DNAH8: variants seen among roughly 807,000 people sequenced by gnomAD.
DNAH8 encodes the protein axonemal beta dynein heavy chain 8.
Under a neutral mutation model 562.1 loss-of-function variants are expected in DNAH8, and 382 were observed. The ratio of observed to expected loss-of-function variants is 0.68; its 90% CI spans 0.63 to 0.74. DNAH8 has a LOEUF of 0.74. DNAH8 is among the 30% of genes least tolerant of loss of function. The pLI is 0.00. For missense variants in DNAH8, 5,203 were observed against 5,620.4 expected, an observed-to-expected ratio of 0.93 and a Z score of 2.37; for synonymous variants, 1,881 against 1,919.4, an observed-to-expected ratio of 0.98 and a Z score of 0.52.
chr6:38,781,843 G>T (rs1235528407), intron 16 of DNAH8, among the ~76,000 whole-genome samples: 2 of 152,076 alleles, frequency 1.3e-5, no homozygotes, highest in Admixed American at 6.5e-5. Flanking sequence ...ATGTCCTTCA[G>T]ATTATTAGAT....
intron 58 of DNAH8, among the ~76,000 whole-genome samples, chr6:38,891,883 A>G (rs894641630): frequency 2.6e-5 from 4 of 152,098 alleles, no homozygotes; most frequent in Admixed American, 2.0e-4. Context: ...TCTTTAATCC[A>G]TTCTGCACAA....
chr6:38,828,102 G>A, intron 29 of DNAH8, 82 bp from the exon 30 acceptor site: 2 of 845,306 alleles, frequency 2.4e-6, no homozygotes, highest in Non-Finnish European at 3.8e-6. Flanking sequence ...TAAGACATAG[G>A]AATGTGTTTC....
intron 92 of DNAH8, among the ~76,000 whole-genome samples, chr6:39,028,030 C>T (rs572301429): frequency 2.0e-5 from 3 of 152,218 alleles, no homozygotes; most frequent in South Asian, 2.1e-4. Context: ...CACCTTATAA[C>T]GAGGGCCACG....
In DNAH8 at chr6:38,923,143, G is replaced by T; in HGVS notation, c.10748G>T (p.Arg3583Leu). 1 of 1,613,690 alleles carries T rather than the reference G, an allele frequency of 6.2e-7. No individual in the cohort carries two copies. The highest frequency in any genetic ancestry group is 8.5e-7 in the Non-Finnish European group (1 of 1,179,810). ...GATGGGCTGAGTGGAGAAAAAATCC[G>T]GTGGACCCAGCAAAGTAAAGAATTC... Reference protein sequence around the residue: ...LIDGLSGEKIRWTQQSKEFKA... With the variant: ...LIDGLSGEKILWTQQSKEFKA... Residue 3583 changes from arginine to leucine, a missense_variant, in exon 72 of 93, where the codon CGG (arginine) becomes CTG (leucine). By Grantham distance (102) the Arg-to-Leu change is moderately radical (BLOSUM62 -2). Around this residue, in one of 6 missense-constraint regions of DNAH8, gnomAD observed 1,399 missense variants for 1,518.4 expected, o/e 0.92. Transcript: ENST00000327475.
intron 48 of DNAH8, 139 bp from the exon 49 acceptor site, chr6:38,870,262 A>G: frequency 1.4e-6 from 1 of 710,644 alleles, no homozygotes. Context: ...TGGAGAAAGT[A>G]CTAGAGAATA....
intron 26 of DNAH8, among the ~76,000 whole-genome samples, chr6:38,816,912 T>A (rs1200613949): frequency 6.6e-6 from 1 of 152,192 alleles, no homozygotes; most frequent in East Asian, 1.9e-4. Flanking sequence ...ATTCATGTCC[T>A]TTGTCCATTT....
chr6:38,883,248 G>C, intron 54 of DNAH8, 74 bp from the exon 55 acceptor site: 2 of 1,465,556 alleles, frequency 1.4e-6, no homozygotes, highest in Non-Finnish European at 1.8e-6. Context: ...TAGAAGACTA[G>C]CCCATAGAAT....
rs576317428 is a variant in DNAH8 at position 38,984,397 on chromosome 6, A to G, written c.13053+90A>G. 6.4e-6 allele frequency: 5 copies of G among 781,788 alleles called. No homozygotes were observed. The East Asian group carries it at 1.3e-4, about 21-fold the overall frequency. The allele number at this position is 781,788 out of a possible 1,614,324, so 48.4% of individuals were successfully genotyped here. A position where few individuals can be genotyped will look rare whatever the true frequency, so the allele number is the denominator to read the frequency against. The stretch of plus-strand genomic sequence containing the variant: ...TGTAATAGGTCTGCCAAACTCAAGC[A>G]TACAGCAGAGCTGCTGCAAAGAATT... On this transcript the variant is annotated intron_variant, in intron 87 of 92. Coordinates refer to ENST00000327475, the MANE Select transcript of DNAH8 (RefSeq NM_001206927.2).
At chr6:38,806,345 A>G (rs1771271180) in intron 23 of DNAH8, among the ~76,000 whole-genome samples, 1 of 152,152 alleles carries the variant, frequency 6.6e-6, no homozygotes, top group Admixed American at 6.5e-5. Flanking sequence ...TTGCTCAAGG[A>G]TGATATTGCC....
chr6:38,752,563 G>C (rs1311265777), intron 9 of DNAH8, among the ~76,000 whole-genome samples: 1 of 152,098 alleles, frequency 6.6e-6, no homozygotes, highest in Non-Finnish European at 1.5e-5. Context: ...GGCAGCACTG[G>C]CCACATGGTT....
At chr6:38,737,676 A>G (rs1764201412) in intron 6 of DNAH8, 133 bp from the exon 7 acceptor site, 2 of 318,900 alleles carry the variant, frequency 6.3e-6, no homozygotes, top group Non-Finnish European at 1.0e-5. Context: ...TTAGAGCTTA[A>G]AAGTACACAT....
chr6:38,929,691 AAGAAAGAAAGAAAGAAAAG>A, intron 75 of DNAH8, 25 bp downstream of exon 75: 2 of 1,445,628 alleles, frequency 1.4e-6, no homozygotes, highest in Non-Finnish European at 1.8e-6. Flanking sequence ...AAAAAAAAAA[AAGAAAGAAAGAAAGAAAAG>A]AAAAAGAAAA....
chr6:38,766,478 C>T (rs1767011354), intron 11 of DNAH8, among the ~76,000 whole-genome samples: 1 of 152,052 alleles, frequency 6.6e-6, no homozygotes, highest in South Asian at 2.1e-4. Flanking sequence ...GACTATAGTA[C>T]ACAATACTGT....
At chr6:39,006,498 C>T (rs929897521) in intron 88 of DNAH8, among the ~76,000 whole-genome samples, 1 of 152,162 alleles carries the variant, frequency 6.6e-6, no homozygotes, top group Admixed American at 6.5e-5. Context: ...TTTCTACTGG[C>T]TCTTTCTCAC....
At position 38,723,432 on chromosome 6, in the gene DNAH8, C is replaced by T. The variant is rs749118830; in HGVS notation, c.486C>T (p.Asp162=). ...TTCTAGCAGAAAATCTTGGCCTGGA[C>T]ATAGTAACTGTTGAAGAATTAATTT... ...FEILAENLGL[D]IVTVEELILD... The change falls in exon 3 of 93, where the codon GAC becomes GAT. Residue 162 remains aspartate (D), a synonymous_variant. Coordinates refer to ENST00000327475, the MANE Select transcript of DNAH8 (RefSeq NM_001206927.2). The T allele has an allele frequency of 1.1e-5, 17 of 1,611,206 alleles. No homozygotes were observed. Among genetic ancestry groups the T allele is most frequent in the Non-Finnish European group, 1.4e-5 (16 of 1,179,594 alleles).
At chr6:38,764,798 T>C (rs1197566877) in intron 11 of DNAH8, 1 of 152,122 alleles carries the variant, frequency 6.6e-6, no homozygotes, top group Non-Finnish European at 1.5e-5. Flanking sequence ...TGTATGTTTT[T>C]TTTTTGAGAA....
intron 13 of DNAH8, among the ~76,000 whole-genome samples, chr6:38,777,300 G>A (rs905039969): frequency 2.0e-5 from 3 of 148,656 alleles, no homozygotes; most frequent in African/African-American, 7.3e-5. Context: ...TTATTTTTAT[G>A]ATTTATTAAG....
chr6:38,932,222 C>G lies in DNAH8; in HGVS notation c.11457+229C>G, dbSNP rs562888569. Among the ~76,000 whole-genome samples the G allele has an allele frequency of 6.0e-4, 15 of 24,822 alleles. No individual in the cohort carries two copies. The East Asian group carries it at 0.019, about 31-fold the overall frequency. 16.3% of individuals were successfully genotyped at this position (24,822 alleles called of 152,430 possible). On this transcript the variant is annotated intron_variant, in intron 76 of 92. Transcript: ENST00000327475. The stretch of plus-strand genomic sequence containing the variant: ...CACACACACACACACACACACCCGT[C>G]TCTTTCTACTTCTGTCTTTAAACTT...
At chr6:38,840,069 A>C (rs893283169) in intron 33 of DNAH8, among the ~76,000 whole-genome samples, 6 of 152,258 alleles carry the variant, frequency 3.9e-5, no homozygotes, top group African/African-American at 1.4e-4. Flanking sequence ...AATGGGGACC[A>C]GCACTGAATG....
Sources: allele counts gnomAD v4.1 joint callset (sites outside exome capture counted in the v4.1 genomes callset), GRCh38; gene constraint gnomAD v4.1.1; regional missense constraint gnomAD v4.1.1; transcripts MANE v1.5; gene names NCBI Gene and HGNC (gene_info 2026-07-23, HGNC 2026-07-21).